DOCK6: variants seen among roughly 807,000 people sequenced by gnomAD.
DOCK6 encodes dedicator of cytokinesis 6, also known as dedicator of cytokinesis protein 6.
DOCK6 carries 167 observed loss-of-function variants against 230.3 expected under a neutral mutation model. That is an observed-to-expected ratio of 0.73 (90% CI 0.64 to 0.82). The LOEUF (loss-of-function observed/expected upper bound fraction) is 0.82, where lower values mean the gene tolerates loss of function less well. Ranked by LOEUF, DOCK6 falls within the 40% of genes least tolerant of loss-of-function variation. The pLI, the probability that DOCK6 is intolerant of heterozygous loss-of-function variation, is 0.00. For synonymous variants in DOCK6, 1,148 were observed against 1,185.0 expected (o/e 0.97, Z 0.64); for missense variants, 2,598 against 2,825.8 (o/e 0.92, Z 1.83).
chr19:11,199,428 C>A lies in DOCK6; in HGVS notation c.*69G>T, dbSNP rs1470369406. 2 of 1,537,812 alleles carry A rather than the reference C, an allele frequency of 1.3e-6. No homozygotes were observed. Among genetic ancestry groups the A allele is most frequent in the Admixed American group, 3.9e-5 (2 of 50,982 alleles). ...AGCCCAGTGGGCACCAGGGCAGACTCCCCTCGCAGCACAGACAGCTGAGGC... is the reference window on the plus strand; with the variant it reads ...AGCCCAGTGGGCACCAGGGCAGACTACCCTCGCAGCACAGACAGCTGAGGC... On this transcript the variant is annotated 3_prime_UTR_variant, in exon 48 of 48. Transcript: ENST00000294618.
Position 11,237,475 on chromosome 19 carries a change from T to C in DOCK6, c.2054A>G (p.Tyr685Cys), listed in dbSNP as rs1028682512. Residue 685 changes from tyrosine (Y) to cysteine (C), a missense_variant, in exon 18 of 48, where the codon TAT becomes TGT. Tyr to Cys is a radical substitution (Grantham distance 194). Transcript: ENST00000294618. ...PVSVDQPPPS[Y>C]SVLTPDVALP... ...ACATACATCGGGTGTGAGCACGGAA[T>C]AGCTGGGCGGCGGCTGGTCCACAGA... 20 of 1,613,358 alleles carry C rather than the reference T, an allele frequency of 1.2e-5. No individual in the cohort carries two copies. Among genetic ancestry groups the C allele is most frequent in the Non-Finnish European group, 1.5e-5 (18 of 1,179,804 alleles).
Position 11,240,289 on chromosome 19 carries a change from T to G in DOCK6, c.1643+1756A>C, listed in dbSNP as rs565072051. 4 of 1,575,434 alleles carry G rather than the reference T, an allele frequency of 2.5e-6. No individual in the cohort carries two copies. In the African/African-American group the frequency reaches 5.4e-5, roughly 21 times the overall value. On this transcript the variant is annotated intron_variant, in intron 14 of 47. Transcript: ENST00000294618. ...GGCCCTGCCTACCGAGAATTTGAGG[T>G]CTTAAAGGTAAGGAGCTCCCCCAAC...
Position 11,242,143 on chromosome 19 carries a change from C to A in DOCK6, c.1545G>T (p.Leu515=). ...ENPHFCLSPE[L]LHIKPYPDPR... Reference sequence around the variant, plus strand: ...GGTCCGGGTAGGGCTTGATATGAAGCAGCTCAGGGGAGAGGCAGAAGTGGG... The same window carrying A: ...GGTCCGGGTAGGGCTTGATATGAAGAAGCTCAGGGGAGAGGCAGAAGTGGG... The change falls in exon 14 of 48, where the codon CTG becomes CTT. Residue 515 remains leucine (L), a synonymous_variant. Transcript: ENST00000294618. 1 of 1,496,794 alleles carries A rather than the reference C, an allele frequency of 6.7e-7. No homozygotes were observed. The highest frequency in any genetic ancestry group is 8.9e-7 in the Non-Finnish European group (1 of 1,125,476). The allele number at this position is 1,496,794 out of a possible 1,614,324, so 92.7% of individuals were successfully genotyped here.
rs1439726955 is a variant in DOCK6, at chr19:11,221,933, A to G, written c.3468T>C (p.Thr1156=). 1.2e-6 allele frequency: 2 copies of G among 1,613,586 alleles called. No homozygotes were observed. Among genetic ancestry groups the G allele is most frequent in the South Asian group, 1.1e-5 (1 of 91,086 alleles). ...HDTDPRYAEA[T]VKARVAELYL... ...ACAGCTCGGCCACACGAGCCTTCAC[A>G]GTGGCCTCGGCGTAGCGGGGGTCAG... The change falls in exon 28 of 48, where the codon ACT becomes ACC. Residue 1156 remains threonine, a synonymous_variant. Coordinates refer to ENST00000294618, the MANE Select transcript of DOCK6 (RefSeq NM_020812.4).
intron 22 of DOCK6, among the ~76,000 whole-genome samples, chr19:11,230,726 T>C (rs2079752521): frequency 6.6e-6 from 1 of 151,810 alleles, no homozygotes; most frequent in Admixed American, 6.6e-5. Flanking sequence ...AGGTGAGATG[T>C]TGGTGAGGTG....
At chr19:11,258,387 T>G (rs2080229425) in intron 1 of DOCK6, among the ~76,000 whole-genome samples, 1 of 152,038 alleles carries the variant, frequency 6.6e-6, no homozygotes, top group Non-Finnish European at 1.5e-5. Context: ...TCCTTGCCCT[T>G]TGCTTTCAAA....
Position 11,222,742 on chromosome 19 carries a change from G to A in DOCK6, c.3233C>T (p.Thr1078Ile), listed in dbSNP as rs1418483197. The change falls in exon 26 of 48, where the codon ACC (threonine) becomes ATC (isoleucine). Residue 1078 changes from threonine to isoleucine, a missense_variant. Coordinates refer to ENST00000294618, the MANE Select transcript of DOCK6 (RefSeq NM_020812.4). The surrounding 1 kb of genome is among the most constrained non-coding windows in gnomAD (Gnocchi z 4.0). ...GAAGTGAAGGCAGCCCACCTGGGAG[G>A]TGGTGGAGGACACAGAGGGGGAGGG... is the stretch of plus-strand genomic sequence containing the variant. Reference protein sequence around the residue: ...ASPSPSVSSTTSQSSTFSSQA... With the variant: ...ASPSPSVSSTISQSSTFSSQA... 3.2e-6 allele frequency: 5 copies of A among 1,570,232 alleles called. No homozygotes were observed. The highest frequency in any genetic ancestry group is 4.3e-6 in the Non-Finnish European group (5 of 1,157,050).
intron 47 of DOCK6, among the ~76,000 whole-genome samples, chr19:11,199,863 G>A (rs1490488658): frequency 6.6e-6 from 1 of 152,166 alleles, no homozygotes; most frequent in African/African-American, 2.4e-5. Context: ...TGAAGCCACC[G>A]CAGCCAGGCG....
chr19:11,261,254 G>C (rs1296346991), intron 1 of DOCK6, among the ~76,000 whole-genome samples: 1 of 151,542 alleles, frequency 6.6e-6, no homozygotes, highest in Non-Finnish European at 1.5e-5. Flanking sequence ...GGCCTCGATC[G>C]ATCCCTCTCT....
chr19:11,211,988 G>A lies in DOCK6; in HGVS notation c.4650+5C>T, dbSNP rs766261273. 1.6e-5 allele frequency: 25 copies of A among 1,597,820 alleles called. No homozygotes were observed. Among genetic ancestry groups the A allele is most frequent in the South Asian group, 3.4e-5 (3 of 89,168 alleles). ...GAGGCGGGGCGGGGACCCAGCAGGTGTCACCTGCTCTGCGAAGGTGCTGTC... is the reference window on the plus strand; with the variant it reads ...GAGGCGGGGCGGGGACCCAGCAGGTATCACCTGCTCTGCGAAGGTGCTGTC... On this transcript the variant is annotated splice_donor_5th_base_variant and intron_variant, in intron 36 of 47. Transcript: ENST00000294618.
At chr19:11,225,502 A>G (rs1424928302) in intron 24 of DOCK6, among the ~76,000 whole-genome samples, 2 of 152,034 alleles carry the variant, frequency 1.3e-5, no homozygotes, top group South Asian at 2.1e-4. Context: ...GCATGGGAAC[A>G]TAGGAAGACC....
intron 32 of DOCK6, among the ~76,000 whole-genome samples, chr19:11,214,942 ATTT>A (rs141146699): frequency 1.6e-5 from 2 of 127,106 alleles, no homozygotes; most frequent in Non-Finnish European, 1.7e-5. Flanking sequence ...TGCCTGGCTA[ATTT>A]TTTTTTTTTT....
intron 35 of DOCK6, among the ~76,000 whole-genome samples, chr19:11,212,472 A>G (rs1322782524): frequency 6.7e-6 from 1 of 150,346 alleles, no homozygotes; most frequent in Non-Finnish European, 1.5e-5. Context: ...GAACTCCTGA[A>G]CTCAAGTGAT....
intron 9 of DOCK6, among the ~76,000 whole-genome samples, chr19:11,245,066 C>T (rs1282881319): frequency 6.6e-6 from 1 of 152,148 alleles, no homozygotes; most frequent in East Asian, 1.9e-4. Context: ...CCATGGCACC[C>T]CTCCACCTTA....
At chr19:11,220,434 G>C (rs1325870259) in intron 28 of DOCK6, among the ~76,000 whole-genome samples, 1 of 152,138 alleles carries the variant, frequency 6.6e-6, no homozygotes, top group Non-Finnish European at 1.5e-5. Context: ...TAAAGCTCTA[G>C]CCCAGTCCAG....
At position 11,236,508 on chromosome 19, in the gene DOCK6, T is replaced by C; in HGVS notation, c.2230A>G (p.Lys744Glu). ...LEEGAFPFRL[K>E]DTVLSEGNVE... ...TTGCCCTCGCTCAGCACAGTGTCCT[T>C]GAGCCGGAATGGGAAGGCTCCCTCC... The change falls in exon 20 of 48, where the codon AAG (lysine) becomes GAG (glutamate). Residue 744 changes from lysine to glutamate, a missense_variant. By Grantham distance (56) the Lys-to-Glu change is moderately conservative. Coordinates refer to ENST00000294618, the MANE Select transcript of DOCK6 (RefSeq NM_020812.4). This position sits in a 1 kb window ranked among gnomAD's most constrained non-coding sequence, Gnocchi z 5.2. The C allele has an allele frequency of 6.2e-7, 1 of 1,604,630 alleles. No homozygotes were observed.
At chr19:11,259,367 G>C (rs1005057250) in intron 1 of DOCK6, among the ~76,000 whole-genome samples, 1 of 151,964 alleles carries the variant, frequency 6.6e-6, no homozygotes, top group Non-Finnish European at 1.5e-5. Context: ...GTATGTTACA[G>C]TTGTTTAAAT....
At chr19:11,259,018 G>A (rs1052917303) in intron 1 of DOCK6, among the ~76,000 whole-genome samples, 2 of 151,898 alleles carry the variant, frequency 1.3e-5, no homozygotes, top group African/African-American at 2.4e-5. Flanking sequence ...CAAAGTGCTC[G>A]GATTATAGGC....
chr19:11,258,725 G>GC (rs1386275943), intron 1 of DOCK6, among the ~76,000 whole-genome samples: 3 of 144,458 alleles, frequency 2.1e-5, no homozygotes, highest in Non-Finnish European at 4.5e-5. Flanking sequence ...GAGCCAACGC[G>GC]CCCGGCCTAT....
Sources: gnomAD v4.1 joint callset for allele counts (sites outside exome capture counted in the v4.1 genomes callset) on GRCh38, gnomAD v4.1.1 for gene constraint, Gnocchi (gnomAD v3.1) non-coding constraint, MANE v1.5 for transcripts, NCBI Gene and HGNC (gene_info 2026-07-23, HGNC 2026-07-21) for gene names.